The following ABCB11 variants were observed in gnomAD, a reference collection of about 807,000 sequenced individuals.
The protein encoded by ABCB11 is ATP binding cassette subfamily B member 11.
ABCB11 carries 95 observed loss-of-function variants against 148.0 expected under a neutral mutation model. The ratio of observed to expected loss-of-function variants is 0.64; its 90% confidence interval spans 0.54 to 0.76. The LOEUF (loss-of-function observed/expected upper bound fraction) is 0.76. Among genes scored for constraint, ABCB11 ranks in the 30% least tolerant of loss-of-function variants. The pLI is 0.00. For synonymous variants in ABCB11, 591 were observed against 555.4 expected, an observed-to-expected ratio of 1.06 and a Z score of -0.90; for missense variants, 1,523 against 1,617.8, an observed-to-expected ratio of 0.94 and a Z score of 1.01.
chr2:168,936,282 A>T lies in ABCB11; in HGVS notation c.2762T>A (p.Met921Lys), dbSNP rs770550197. ...LALSGATQTR[M>K]LTGFASRDKQ... The stretch of plus-strand genomic sequence containing the variant: ...ATCTCGAGAGGCAAATCCTGTCAAC[A>T]TCCTGGTCTGTGTGGCTCCTGATAA... The change falls in exon 22 of 28, where the codon ATG becomes AAG. Residue 921 changes from methionine (M) to lysine (K), a missense_variant. Transcript: ENST00000650372. 6.2e-7 allele frequency: 1 copy of T among 1,613,958 alleles called. No homozygotes were observed. Among genetic ancestry groups the T allele is most frequent in the Non-Finnish European group, 8.5e-7 (1 of 1,179,880 alleles).
At chr2:168,982,449 T>TTGA in intron 10 of ABCB11, among the ~76,000 whole-genome samples, 1 of 151,978 alleles carries the variant, frequency 6.6e-6, no homozygotes, top group East Asian at 1.9e-4. Context: ...CCATTATGTG[T>TTGA]TTATTTTTAT....
Position 168,991,799 on chromosome 2 carries a change from A to G in ABCB11, c.784-874T>C, listed in dbSNP as rs1289713412. ...TTCATCAGTGTACATTTTATAAAAC[A>G]TGTGAATTAAACATGTAACAGTAAG... On this transcript the variant is annotated intron_variant, in intron 8 of 27. Coordinates refer to ENST00000650372, the MANE Select transcript of ABCB11 (RefSeq NM_003742.4). Among the ~76,000 whole-genome samples the G allele has an allele frequency of 4.0e-5, 6 of 151,372 alleles. No homozygotes were observed. In the East Asian group the frequency reaches 1.2e-3, roughly 30 times the overall value.
Position 168,958,148 on chromosome 2 carries a change from A to G in ABCB11, c.2179-20T>C. The G allele has an allele frequency of 1.2e-6, 2 of 1,604,702 alleles. No homozygotes were observed. The highest frequency in any genetic ancestry group is 1.1e-5 in the South Asian group (1 of 90,772). Reference sequence around the variant, plus strand: ...CTTGTCCTTGAGCAGAGAGAGGGTTATATTAATCATCTAAATGTACTCAAG... The same window carrying G: ...CTTGTCCTTGAGCAGAGAGAGGGTTGTATTAATCATCTAAATGTACTCAAG... On this transcript the variant is annotated intron_variant, in intron 18 of 27. Coordinates refer to ENST00000650372, the MANE Select transcript of ABCB11 (RefSeq NM_003742.4).
chr2:168,996,853 T>C (rs1237978847), intron 5 of ABCB11, 131 bp from the exon 6 acceptor site: 1 of 235,872 alleles, frequency 4.2e-6, no homozygotes, highest in Non-Finnish European at 7.7e-6. Context: ...ATAAATATAC[T>C]ATATATAGTA....
downstream of ABCB11, among the ~76,000 whole-genome samples, chr2:168,916,454 C>G (rs868111066): frequency 6.6e-6 from 1 of 152,176 alleles, no homozygotes; most frequent in Non-Finnish European, 1.5e-5. Flanking sequence ...ATGCCAATCA[C>G]GAGTACCCTG....
intron 22 of ABCB11, 150 bp from the exon 23 acceptor site, chr2:168,935,575 A>G: frequency 9.2e-7 from 1 of 1,084,026 alleles, no homozygotes; most frequent in South Asian, 1.7e-5. Flanking sequence ...ACGTGGCTGG[A>G]GATCAACCCA....
At chr2:168,999,574 G>T (rs1694813609) in intron 5 of ABCB11, among the ~76,000 whole-genome samples, 1 of 152,000 alleles carries the variant, frequency 6.6e-6, no homozygotes, top group East Asian at 1.9e-4. Context: ...CATATAAATG[G>T]ATCTCACAGT....
intron 24 of ABCB11, among the ~76,000 whole-genome samples, chr2:168,931,133 C>T (rs1016638952): frequency 1.3e-5 from 2 of 152,164 alleles, no homozygotes; most frequent in Non-Finnish European, 2.9e-5. Context: ...GCCATCTATT[C>T]CTGACATTCT....
intron 25 of ABCB11, among the ~76,000 whole-genome samples, chr2:168,928,041 T>C (rs996129059): frequency 3.3e-5 from 5 of 152,196 alleles, no homozygotes; most frequent in Admixed American, 2.6e-4. Context: ...TCCTAGAATA[T>C]TAAAGGCACA....
chr2:169,018,301 T>A (rs965515744), intron 1 of ABCB11, 149 bp from the exon 2 acceptor site: 30 of 671,358 alleles, frequency 4.5e-5, no homozygotes, highest in Non-Finnish European at 2.5e-5. Context: ...AATAACTCCC[T>A]GAAAGAGCCT....
At chr2:168,978,288 G>C in intron 11 of ABCB11, among the ~76,000 whole-genome samples, 1 of 151,678 alleles carries the variant, frequency 6.6e-6, no homozygotes, top group South Asian at 2.1e-4. Flanking sequence ...TGGGACTATA[G>C]GCATGTGCCA....
intron 10 of ABCB11, among the ~76,000 whole-genome samples, chr2:168,980,535 CTAAG>C (rs1694098661): frequency 6.6e-6 from 1 of 152,120 alleles, no homozygotes. Flanking sequence ...AGGTATGTTT[CTAAG>C]TGTTTTATCT....
At chr2:168,997,561 G>T (rs1694754347) in intron 5 of ABCB11, among the ~76,000 whole-genome samples, 1 of 151,940 alleles carries the variant, frequency 6.6e-6, no homozygotes, top group African/African-American at 2.4e-5. Flanking sequence ...TTAACATATT[G>T]GTTGATGACA....
chr2:169,029,897 C>A (rs903650769), intron 1 of ABCB11, among the ~76,000 whole-genome samples: 2 of 146,062 alleles, frequency 1.4e-5, no homozygotes, highest in Non-Finnish European at 3.0e-5. Context: ...CCCGCCACCG[C>A]GCCCGGCTAA....
Position 168,921,244 on chromosome 2 carries a change from C to CT in ABCB11, c.*2377dup, listed in dbSNP as rs569310068. On this transcript the variant is annotated 3_prime_UTR_variant, in exon 28 of 28. Transcript: ENST00000650372. The stretch of plus-strand genomic sequence containing the variant: ...CTGACCAGTTAACTTGCTAAACCAT[C>CT]TTTGCTGTTATATACCAGGAAACAC... Among the ~76,000 whole-genome samples, 1 of 152,190 alleles carries CT rather than the reference C, an allele frequency of 6.6e-6. No homozygotes were observed. Among genetic ancestry groups the CT allele is most frequent in the Non-Finnish European group, 1.5e-5 (1 of 68,034 alleles).
At chr2:168,971,586 C>T (rs1349096842) in intron 14 of ABCB11, among the ~76,000 whole-genome samples, 3 of 152,136 alleles carry the variant, frequency 2.0e-5, no homozygotes, top group East Asian at 1.9e-4. Context: ...GATAGTTCCC[C>T]AGTTTGGTAG....
At chr2:168,986,086 T>A in intron 10 of ABCB11, 24 bp downstream of exon 10, 18 of 1,522,598 alleles carry the variant, frequency 1.2e-5, no homozygotes, top group Non-Finnish European at 1.6e-5. Context: ...AAATGCTATG[T>A]CTCGGTCAAT....
rs1401975387 is a variant in ABCB11 at position 168,944,703 on chromosome 2, C to T, written c.2512G>A (p.Ala838Thr). Residue 838 changes from alanine (A) to threonine (T), a missense_variant, in exon 21 of 28, where the codon GCA (alanine) becomes ACA (threonine). Physicochemically the swap from Ala to Thr is moderately conservative, Grantham distance 58. Coordinates refer to ENST00000650372, the MANE Select transcript of ABCB11 (RefSeq NM_003742.4). ...CAGGCAATATCTTGCCCCAGCATTG[C>T]CCTGAAACCAAATTTACGTAGCCTT... ...TKRLRKFGFR[A>T]MLGQDIAWFD... 4 of 1,612,754 alleles carry T rather than the reference C, an allele frequency of 2.5e-6. No homozygotes were observed. Among genetic ancestry groups the T allele is most frequent in the African/African-American group, 1.3e-5 (1 of 74,824 alleles).
intron 5 of ABCB11, among the ~76,000 whole-genome samples, chr2:169,012,038 T>A (rs944302349): frequency 6.6e-6 from 1 of 152,218 alleles, no homozygotes; most frequent in South Asian, 2.1e-4. Flanking sequence ...TTTAAAAAAA[T>A]TTTGGTTGAA....
Sources: allele counts gnomAD v4.1 joint callset (sites outside exome capture counted in the v4.1 genomes callset), GRCh38; gene constraint gnomAD v4.1.1; transcripts MANE v1.5; gene names NCBI Gene and HGNC (gene_info 2026-07-23, HGNC 2026-07-21).